The following WNK1 variants were observed in gnomAD, a reference collection of about 807,000 sequenced individuals.
WNK1 encodes serine/threonine-protein kinase WNK1.
WNK1 carries 38 observed loss-of-function variants against 222.8 expected under a neutral mutation model. That is an observed-to-expected ratio of 0.17 (90% CI 0.13 to 0.22). WNK1 has a LOEUF of 0.22. Among genes scored for constraint, WNK1 ranks in the 10% least tolerant of loss-of-function variants. WNK1 has a pLI of 1.00. For synonymous variants in WNK1, 1,090 were observed against 1,092.9 expected, an observed-to-expected ratio of 1.00 and a Z score of 0.05; for missense variants, 2,348 against 2,918.4, an observed-to-expected ratio of 0.80 and a Z score of 4.50.
chr12:896,719 C>G lies in WNK1; in HGVS notation c.6232C>G (p.Arg2078Gly). The G allele has an allele frequency of 6.2e-7, 1 of 1,607,524 alleles. No homozygotes were observed. The highest frequency in any genetic ancestry group is 8.5e-7 in the Non-Finnish European group (1 of 1,178,980). ...EDEDLKLELR[R>G]LRDKHLKEIQ... ...TGAAGACTTAAAGTTAGAGCTGCGA[C>G]GACTACGAGATAAGTAAGTATATTT... is the stretch of plus-strand genomic sequence containing the variant. Residue 2078 changes from arginine to glycine, a missense_variant, in exon 24 of 28, where the codon CGA (arginine) becomes GGA (glycine). Arg to Gly is a moderately radical substitution (Grantham distance 125). This residue lies in a region of WNK1 where 1,144 missense variants were observed against 1,273.6 expected (regional missense o/e 0.90). Transcript: ENST00000315939.
intron 1 of WNK1, among the ~76,000 whole-genome samples, chr12:780,337 A>G (rs1368741616): frequency 6.6e-6 from 1 of 152,220 alleles, no homozygotes; most frequent in Non-Finnish European, 1.5e-5. Context: ...GATCACAAAA[A>G]TATGGTCTGA....
At chr12:871,740 C>G (rs1173994302) in intron 9 of WNK1, among the ~76,000 whole-genome samples, 1 of 152,036 alleles carries the variant, frequency 6.6e-6, no homozygotes, top group Non-Finnish European at 1.5e-5. Flanking sequence ...GTAGCTGGGA[C>G]TACAGGTGCC....
chr12:892,362 T>C (rs1405471523), intron 22 of WNK1, among the ~76,000 whole-genome samples: 2 of 152,188 alleles, frequency 1.3e-5, no homozygotes, highest in Non-Finnish European at 2.9e-5. Context: ...CAAGTAGCAA[T>C]GGACAATACA....
At chr12:823,481 A>C (rs1421950706) in intron 2 of WNK1, among the ~76,000 whole-genome samples, 1 of 152,084 alleles carries the variant, frequency 6.6e-6, no homozygotes, top group Non-Finnish European at 1.5e-5. Flanking sequence ...CAGACTGTAC[A>C]GTTTCACTTC....
intron 1 of WNK1, among the ~76,000 whole-genome samples, chr12:760,698 T>G (rs1426544818): frequency 6.8e-6 from 1 of 147,624 alleles, no homozygotes; most frequent in Non-Finnish European, 1.5e-5. Context: ...TCAGAAGCTC[T>G]TAATATTTTA....
chr12:875,703 A>G (rs547395980), intron 9 of WNK1, among the ~76,000 whole-genome samples: 3 of 152,350 alleles, frequency 2.0e-5, no homozygotes, highest in African/African-American at 4.8e-5. Context: ...TGAAGATACA[A>G]CTTAGATGGA....
At chr12:883,325 A>G in intron 15 of WNK1, 70 bp from the exon 16 acceptor site, 2 of 1,551,828 alleles carry the variant, frequency 1.3e-6, no homozygotes, top group Non-Finnish European at 1.8e-6. Context: ...CAGATAGGAC[A>G]GAAGTCATAA....
chr12:887,115 T>C, intron 19 of WNK1, 106 bp from the exon 20 acceptor site: 1 of 1,006,426 alleles, frequency 9.9e-7, no homozygotes, highest in Non-Finnish European at 1.6e-6. Flanking sequence ...TAACTATATA[T>C]ATTTTATTCT....
chr12:870,320 T>A (rs976449863), intron 8 of WNK1, among the ~76,000 whole-genome samples: 1 of 152,190 alleles, frequency 6.6e-6, no homozygotes, highest in East Asian at 1.9e-4. Context: ...TGCCAGTAAT[T>A]ATCCTTTAGA....
In WNK1 at chr12:885,088, C is replaced by T; in HGVS notation, c.4284C>T (p.Ser1428=). 6.2e-7 allele frequency: 1 copy of T among 1,614,182 alleles called. No individual in the cohort carries two copies. Among genetic ancestry groups the T allele is most frequent in the Non-Finnish European group, 8.5e-7 (1 of 1,180,022 alleles). Residue 1428 remains serine, a synonymous_variant, in exon 19 of 28, where the codon TCC becomes TCT. Transcript: ENST00000315939. ...IPAVVSISTT[S]PSLQVPTSTS... is the part of the protein sequence containing the mutation. ...CAGTTGTCTCAATATCTACTACATC[C>T]CCGTCACTTCAAGTCCCCACATCCA...
At chr12:841,143 G>T (rs557373565) in intron 4 of WNK1, among the ~76,000 whole-genome samples, 3 of 152,210 alleles carry the variant, frequency 2.0e-5, no homozygotes, top group African/African-American at 4.8e-5. Flanking sequence ...CCATTTTTAA[G>T]TATACTGTTC....
At chr12:842,314 G>T (rs905868803) in intron 4 of WNK1, among the ~76,000 whole-genome samples, 4 of 152,062 alleles carry the variant, frequency 2.6e-5, no homozygotes, top group African/African-American at 9.7e-5. Context: ...ACTTTTGCAT[G>T]AACCTAATAG....
intron 2 of WNK1, among the ~76,000 whole-genome samples, chr12:821,923 T>C (rs1947914620): frequency 6.6e-6 from 1 of 152,080 alleles, no homozygotes; most frequent in African/African-American, 2.4e-5. Flanking sequence ...TGTCCTTGGA[T>C]CTATAATGAG....
chr12:885,137 A>G lies in WNK1; in HGVS notation c.4333A>G (p.Thr1445Ala), dbSNP rs535135770. Residue 1445 changes from threonine (T) to alanine (A), a missense_variant, in exon 19 of 28, where the codon ACA becomes GCA. Around this residue, in one of 13 missense-constraint regions of WNK1, gnomAD observed 1,144 missense variants for 1,273.6 expected, o/e 0.90. Transcript: ENST00000315939. ...CACATCTGAGATCGTTGTTTCTAGT[A>G]CAGCACTGTATCCTTCAGTAACAGT... ...TSTSEIVVSSTALYPSVTVSA... is the reference protein window; with the variant it reads ...TSTSEIVVSSAALYPSVTVSA... The G allele has an allele frequency of 6.2e-7, 1 of 1,614,222 alleles. No individual in the cohort carries two copies. Among genetic ancestry groups the G allele is most frequent in the African/African-American group, 1.3e-5 (1 of 75,060 alleles).
At chr12:901,637 G>A (rs752678249) in intron 26 of WNK1, 40 of 1,288,606 alleles carry the variant, frequency 3.1e-5, no homozygotes, top group African/African-American at 1.8e-4. Context: ...TTCTGAGTAC[G>A]CCCTGCTTGG....
intron 1 of WNK1, among the ~76,000 whole-genome samples, chr12:792,652 G>A (rs1944956949): frequency 6.6e-6 from 1 of 151,986 alleles, no homozygotes; most frequent in Admixed American, 6.6e-5. Flanking sequence ...TTACAATGAG[G>A]AATACATTTA....
At chr12:772,868 G>A (rs1942695489) in intron 1 of WNK1, among the ~76,000 whole-genome samples, 1 of 152,140 alleles carries the variant, frequency 6.6e-6, no homozygotes, top group African/African-American at 2.4e-5. Flanking sequence ...CATATAATTT[G>A]GGGTATTATC....
intron 1 of WNK1, among the ~76,000 whole-genome samples, chr12:759,738 C>G (rs188374344): frequency 6.7e-6 from 1 of 148,154 alleles, no homozygotes; most frequent in African/African-American, 2.4e-5. Context: ...TAGTTAAGAA[C>G]TAGATTGCCT....
rs775421359 is a variant in WNK1 at position 759,394 on chromosome 12, G to A, written c.759+5070G>A. Among the ~76,000 whole-genome samples the A allele has an allele frequency of 2.6e-4, 38 of 146,986 alleles. 3 individuals are homozygous for A. The highest frequency in any genetic ancestry group is 4.7e-4 in the Non-Finnish European group (31 of 65,926). ...CGCCCAGGCTGGAGTACAGTGGCGC[G>A]ATCTCGGCTCACTGCAACCTCCACC... On this transcript the variant is annotated intron_variant, in intron 1 of 27. Transcript: ENST00000315939.
Sources: allele counts gnomAD v4.1 joint callset (sites outside exome capture counted in the v4.1 genomes callset), GRCh38; gene constraint gnomAD v4.1.1; regional missense constraint gnomAD v4.1.1; transcripts MANE v1.5; gene names NCBI Gene and HGNC (gene_info 2026-07-23, HGNC 2026-07-21).